Variants in ARHGEF1 observed in about 807,000 individuals in gnomAD.
ARHGEF1 encodes the protein Rho guanine nucleotide exchange factor 1.
Under a neutral mutation model 119.7 loss-of-function variants are expected in ARHGEF1, and 40 were observed. The ratio of observed to expected loss-of-function variants is 0.33; its 90% CI spans 0.26 to 0.44. The LOEUF (loss-of-function observed/expected upper bound fraction) is 0.44. Among genes scored for constraint, ARHGEF1 ranks in the 20% least tolerant of loss-of-function variants. The probability of loss-of-function intolerance (pLI) is 1.00; values close to 1 mark genes in which losing one functional copy is unlikely to be tolerated. For synonymous variants in ARHGEF1, 494 were observed against 521.0 expected (o/e 0.95, Z 0.71); for missense variants, 976 against 1,268.3 (o/e 0.77, Z 3.50).
chr19:41,895,298 T>G (rs1379587515), intron 11 of ARHGEF1, 51 bp from the exon 12 acceptor site: 3 of 1,559,262 alleles, frequency 1.9e-6, no homozygotes, highest in Non-Finnish European at 8.7e-7. Flanking sequence ...CGGTTGTGGA[T>G]TTGAGTTACT....
At chr19:41,929,047 A>G (rs1048602361) in intron 2 of ARHGEF1, 4 of 372,146 alleles carry the variant, frequency 1.1e-5, no homozygotes, top group Middle Eastern at 3.7e-4. Flanking sequence ...AGACACAGAC[A>G]CACACACACA....
At position 41,894,517 on chromosome 19, in the gene ARHGEF1, G is replaced by T. The variant is rs147557273; in HGVS notation, c.811G>T (p.Ala271Ser). 1 of 1,608,392 alleles carries T rather than the reference G, an allele frequency of 6.2e-7. No individual in the cohort carries two copies. Among genetic ancestry groups the T allele is most frequent in the Non-Finnish European group, 8.5e-7 (1 of 1,176,662 alleles). The change falls in exon 10 of 29, where the codon GCC (alanine) becomes TCC (serine). Residue 271 changes from alanine (A) to serine (S), a missense_variant. By Grantham distance (99) the Ala-to-Ser change is moderately conservative. This residue lies in a region of ARHGEF1 where 519 missense variants were observed against 580.9 expected (regional missense o/e 0.89). Coordinates refer to ENST00000354532, the MANE Select transcript of ARHGEF1 (RefSeq NM_004706.4). ...GAAGGGGCTGAGCAGCATCCTGGAT[G>T]CCGCCCGCTGGAACCGGGGAGAGCC... ...TKKGLSSILD[A>S]ARWNRGEPQV...
chr19:41,906,971 C>A lies in ARHGEF1; in HGVS notation c.*18-134C>A, dbSNP rs1418525029. On this transcript the variant is annotated intron_variant, in intron 28 of 28. Coordinates refer to ENST00000354532, the MANE Select transcript of ARHGEF1 (RefSeq NM_004706.4). This position sits in a 1 kb window ranked among gnomAD's most constrained non-coding sequence, Gnocchi z 4.5. ...TGTCTCTGTTTCTGATAATCTGTTT[C>A]TCTGTCTCTGTGCCCGCCTGCCTCT... 1.0e-6 allele frequency: 1 copy of A among 985,410 alleles called. No individual in the cohort carries two copies. The highest frequency in any genetic ancestry group is 1.4e-6 in the Non-Finnish European group (1 of 690,562). 61.0% of individuals were successfully genotyped at this position (985,410 alleles called of 1,614,324 possible). A position where few individuals can be genotyped will look rare whatever the true frequency, so the allele number is the denominator to read the frequency against.
chr19:41,902,631 G>A lies in ARHGEF1; in HGVS notation c.1596G>A (p.Lys532=). Residue 532 remains lysine, a synonymous_variant, in exon 17 of 29, where the codon AAG becomes AAA. Transcript: ENST00000354532. This position sits in a 1 kb window ranked among gnomAD's most constrained non-coding sequence, Gnocchi z 6.5. ...AGCAGCTCAAAGCCAAGCAACGCAA[G>A]GACCCTCGGTTCTGTGCCTTCGTGC... is the stretch of plus-strand genomic sequence containing the variant. The part of the protein sequence containing the change: ...ALEQLKAKQR[K]DPRFCAFVQE... 6.2e-7 allele frequency: 1 copy of A among 1,614,226 alleles called. No individual in the cohort carries two copies. Among genetic ancestry groups the A allele is most frequent in the Non-Finnish European group, 8.5e-7 (1 of 1,180,048 alleles).
In ARHGEF1 at chr19:41,906,374, C is replaced by CA. The variant is rs2074695515; in HGVS notation, c.2492-82dup. The CA allele has an allele frequency of 1.4e-6, 2 of 1,399,004 alleles. No individual in the cohort carries two copies. The highest frequency in any genetic ancestry group is 1.9e-6 in the Non-Finnish European group (2 of 1,038,326). 86.7% of individuals were successfully genotyped at this position (1,399,004 alleles called of 1,614,324 possible). On this transcript the variant is annotated intron_variant, in intron 26 of 28. Coordinates refer to ENST00000354532, the MANE Select transcript of ARHGEF1 (RefSeq NM_004706.4). The surrounding 1 kb of genome is among the most constrained non-coding windows in gnomAD (Gnocchi z 4.5). ...CACCCACCTTCACCTCCAGCCCCTACACATCCCCTTTGGAATCCCCCATCC... is the reference window on the plus strand; with the variant it reads ...CACCCACCTTCACCTCCAGCCCCTACAACATCCCCTTTGGAATCCCCCATCC...
In ARHGEF1 at chr19:41,916,685, G is replaced by A. The variant is rs893824035; in HGVS notation, c.1866-6407G>A. 2.6e-5 allele frequency among the ~76,000 whole-genome samples: 4 copies of A among 151,488 alleles called. No individual in the cohort carries two copies. The highest frequency in any genetic ancestry group is 2.1e-4 in the South Asian group (1 of 4,788). ...ACACAACCAAGCACCACCGACCCTC[G>A]AGCGCATACATATGCACTTGGTCAC... On this transcript the variant is annotated intron_variant, in intron 18 of 20. Transcript: ENST00000599589. This position sits in a 1 kb window ranked among gnomAD's most constrained non-coding sequence, Gnocchi z 5.4.
rs1049258926 is a variant in ARHGEF1, at chr19:41,892,502, G to T, written c.368-101G>T. On this transcript the variant is annotated intron_variant, in intron 6 of 28. Transcript: ENST00000354532. This position sits in a 1 kb window ranked among gnomAD's most constrained non-coding sequence, Gnocchi z 6.3. ...GAGATTCATTCATTCCTTCTTGGCA[G>T]CGGCCTCAGGACGTGTGGCTGTTGG... 6.3e-7 allele frequency: 1 copy of T among 1,581,312 alleles called. No individual in the cohort carries two copies. Among genetic ancestry groups the T allele is most frequent in the Non-Finnish European group, 8.6e-7 (1 of 1,158,628 alleles).
downstream of ARHGEF1, chr19:41,908,717 G>GA: frequency 1.8e-6 from 2 of 1,118,522 alleles, no homozygotes; most frequent in Non-Finnish European, 2.3e-6. The surrounding 1 kb of genome is among the most constrained non-coding windows in gnomAD (Gnocchi z 6.7). Flanking sequence ...GCACCTGCCT[G>GA]CCTGGGGACC....
At chr19:41,893,188 A>G (rs782213353) in intron 7 of ARHGEF1, 86 bp from the exon 8 acceptor site, 1 of 1,571,170 alleles carries the variant, frequency 6.4e-7, no homozygotes, top group East Asian at 2.3e-5. Flanking sequence ...TGCCTATCCC[A>G]GGACAGCAAC....
chr19:41,912,719 G>T (rs2074760671), intron 18 of ARHGEF1: 1 of 401,892 alleles, frequency 2.5e-6, no homozygotes, highest in East Asian at 3.6e-5. Flanking sequence ...TGATTTGGGG[G>T]ACTGACCAAG....
chr19:41,909,508 G>A, downstream of ARHGEF1: 1 of 1,249,102 alleles, frequency 8.0e-7, no homozygotes, highest in Non-Finnish European at 1.0e-6. The surrounding 1 kb of genome is among the most constrained non-coding windows in gnomAD (Gnocchi z 5.2). Context: ...AGGTGCAGGG[G>A]GAGCCCTGGG....
rs1363992156 is a variant in ARHGEF1, at chr19:41,916,626, TGA to T, written c.1866-6463_1866-6462del. On this transcript the variant is annotated intron_variant, in intron 18 of 20. Transcript: ENST00000599589. The surrounding 1 kb of genome is among the most constrained non-coding windows in gnomAD (Gnocchi z 5.4). ...GATTCCCAAGCACACAATCGCACAC[TGA>T]GACAACAGCACACAGAAACAGACAC... is the stretch of plus-strand genomic sequence containing the variant. Among the ~76,000 whole-genome samples the T allele has an allele frequency of 6.6e-6, 1 of 151,494 alleles. No individual in the cohort carries two copies. Among genetic ancestry groups the T allele is most frequent in the Non-Finnish European group, 1.5e-5 (1 of 67,890 alleles).
intron 1 of ARHGEF1, among the ~76,000 whole-genome samples, chr19:41,927,595 A>G (rs2074879149): frequency 1.3e-5 from 2 of 151,898 alleles, no homozygotes; most frequent in Non-Finnish European, 2.9e-5. Flanking sequence ...CTTGGCTTTG[A>G]GCCCCTAGGT....
In ARHGEF1 at chr19:41,892,012, G is replaced by C; in HGVS notation, c.226-13G>C. ...GTGAGGGAGCGGAGAGTCATGCTGT[G>C]TGTCTCCCCCAGCTTTGCTGTCTGC... On this transcript the variant is annotated splice_polypyrimidine_tract_variant and intron_variant, in intron 4 of 28. Transcript: ENST00000354532. The surrounding 1 kb of genome is among the most constrained non-coding windows in gnomAD (Gnocchi z 6.3). 1 of 1,594,790 alleles carries C rather than the reference G, an allele frequency of 6.3e-7. No homozygotes were observed. The highest frequency in any genetic ancestry group is 1.1e-5 in the South Asian group (1 of 89,384).
chr19:41,883,197 G>T lies in ARHGEF1; in HGVS notation c.-112G>T. On this transcript the variant is annotated 5_prime_UTR_variant, in exon 1 of 29. Transcript: ENST00000354532. The surrounding 1 kb of genome is among the most constrained non-coding windows in gnomAD (Gnocchi z 7.6). ...GAAAAACGCCCCGACTTCCTGCCCC[G>T]CCAGAGCCAGGAAGCGGGAGCCGGG... The T allele has an allele frequency of 5.6e-6, 1 of 179,006 alleles. No homozygotes were observed. The highest frequency in any genetic ancestry group is 6.4e-5 in the South Asian group (1 of 15,706). 11.1% of individuals were successfully genotyped at this position (179,006 alleles called of 1,614,324 possible).
downstream of ARHGEF1, chr19:41,908,136 AG>A: frequency 9.6e-7 from 1 of 1,043,808 alleles, no homozygotes; most frequent in Non-Finnish European, 1.2e-6. The surrounding 1 kb of genome is among the most constrained non-coding windows in gnomAD (Gnocchi z 6.7). Flanking sequence ...GGAGGTGCTG[AG>A]GGCTGGTCCT....
Position 41,902,902 on chromosome 19 carries a change from C to T in ARHGEF1, c.1738+4C>T, listed in dbSNP as rs1555849342. 9.5e-6 allele frequency: 15 copies of T among 1,574,850 alleles called. No homozygotes were observed. The highest frequency in any genetic ancestry group is 2.0e-5 in the Admixed American group (1 of 49,556). ...CAGAGCATCGGGCAGAACACAGGTA[C>T]CGCGGGCCTGGATCTCTGGGCCTCG... On this transcript the variant is annotated splice_donor_region_variant and intron_variant, in intron 18 of 28. Transcript: ENST00000354532. The surrounding 1 kb of genome is among the most constrained non-coding windows in gnomAD (Gnocchi z 6.5).
chr19:41,910,190 T>C (rs377574435), downstream of ARHGEF1: 21 of 1,241,906 alleles, frequency 1.7e-5, no homozygotes, highest in African/African-American at 1.7e-4. The surrounding 1 kb of genome is among the most constrained non-coding windows in gnomAD (Gnocchi z 4.4). Context: ...AGGCATGTAG[T>C]TCTCCTCCAG....
At chr19:41,893,350 A>G (rs1599638713) in intron 8 of ARHGEF1, 47 bp downstream of exon 8, 2 of 1,337,294 alleles carry the variant, frequency 1.5e-6, no homozygotes, top group Non-Finnish European at 2.0e-6. Context: ...TTGAGGGAGG[A>G]GGGGGCTGAG....
Sources: gnomAD v4.1 joint callset for allele counts (sites outside exome capture counted in the v4.1 genomes callset) on GRCh38, gnomAD v4.1.1 for gene constraint, gnomAD v4.1.1 regional missense constraint, Gnocchi (gnomAD v3.1) non-coding constraint, MANE v1.5 for transcripts, NCBI Gene and HGNC (gene_info 2026-07-23, HGNC 2026-07-21) for gene names.